Variants in BCAM observed in about 807,000 individuals in gnomAD.
BCAM encodes basal cell adhesion molecule (Lutheran blood group).
A neutral mutation model predicts 72.4 loss-of-function variants in BCAM; 61 were observed. The ratio of observed to expected loss-of-function variants is 0.84; its 90% CI spans 0.69 to 1.04. The LOEUF (loss-of-function observed/expected upper bound fraction) is 1.04. Ranked by LOEUF, BCAM falls within the 50% of genes least tolerant of loss-of-function variation. The probability of loss-of-function intolerance (pLI) is 0.00; values close to 1 mark genes in which losing one functional copy is unlikely to be tolerated. For synonymous variants in BCAM, 408 were observed against 384.2 expected (o/e 1.06, Z -0.73); for missense variants, 909 against 895.0 (o/e 1.02, Z -0.20).
chr19:44,809,149 C>T lies in BCAM; in HGVS notation c.25C>T (p.Gln9Ter). Residue 9 changes from glutamine (Q) to a stop codon, truncating the protein, a stop_gained, in exon 1 of 15, where the codon CAG (glutamine) becomes TAG (stop). Transcript: ENST00000270233. LOFTEE classifies it high-confidence loss of function. Reference protein sequence around the residue: MEPPDAPAQARGAPRLLLL... With the variant: MEPPDAPA ...CATGGAGCCCCCGGACGCACCGGCCCAGGCGCGCGGGGCCCCGCGGCTGCT... is the reference window on the plus strand; with the variant it reads ...CATGGAGCCCCCGGACGCACCGGCCTAGGCGCGCGGGGCCCCGCGGCTGCT... 6.8e-7 allele frequency: 1 copy of T among 1,473,194 alleles called. No individual in the cohort carries two copies. Among genetic ancestry groups the T allele is most frequent in the Non-Finnish European group, 9.0e-7 (1 of 1,115,922 alleles). 91.3% of individuals were successfully genotyped at this position (1,473,194 alleles called of 1,614,324 possible).
chr19:44,813,120 T>A lies in BCAM; in HGVS notation c.505-130T>A, dbSNP rs568829736. 97 of 1,028,328 alleles carry A rather than the reference T, an allele frequency of 9.4e-5. No homozygotes were observed. Among genetic ancestry groups the A allele is most frequent in the Non-Finnish European group, 1.2e-4 (86 of 705,258 alleles). The allele number at this position is 1,028,328 out of a possible 1,614,324, so 63.7% of individuals were successfully genotyped here. A position where few individuals can be genotyped will look rare whatever the true frequency, so the allele number is the denominator to read the frequency against. Reference sequence around the variant, plus strand: ...TGAGTCGGGGACTAGGAATTTGGACTCCTGGGTCCTGGGAGAGTCGGGAGT... The same window carrying A: ...TGAGTCGGGGACTAGGAATTTGGACACCTGGGTCCTGGGAGAGTCGGGAGT... On this transcript the variant is annotated intron_variant, in intron 4 of 14. Coordinates refer to ENST00000270233, the MANE Select transcript of BCAM (RefSeq NM_005581.5). The surrounding 1 kb of genome is among the most constrained non-coding windows in gnomAD (Gnocchi z 4.2).
rs373526996 is a variant in BCAM, at chr19:44,814,304, G to T, written c.921+16G>T. On this transcript the variant is annotated intron_variant, in intron 7 of 14. Coordinates refer to ENST00000270233, the MANE Select transcript of BCAM (RefSeq NM_005581.5). The surrounding 1 kb of genome is among the most constrained non-coding windows in gnomAD (Gnocchi z 4.6). ...CCGCCTTCAGGTGACCCACCCAAGG[G>T]TCCCTCTGGGATCCACCCCCCAGCC... 6 of 1,584,670 alleles carry T rather than the reference G, an allele frequency of 3.8e-6. No homozygotes were observed. Among genetic ancestry groups the T allele is most frequent in the Non-Finnish European group, 4.3e-6 (5 of 1,173,260 alleles).
intron 1 of BCAM, among the ~76,000 whole-genome samples, 173 bp downstream of exon 1, chr19:44,809,379 A>G (rs896824089): frequency 6.6e-6 from 1 of 152,172 alleles, no homozygotes; most frequent in African/African-American, 2.4e-5. Flanking sequence ...ATCTGGGGAC[A>G]GCCAGGCAGG....
Position 44,812,812 on chromosome 19 carries a change from T to C in BCAM, c.504+264T>C, listed in dbSNP as rs1352163630. The C allele has an allele frequency of 2.0e-6, 1 of 493,412 alleles. No individual in the cohort carries two copies. The allele number at this position is 493,412 out of a possible 1,614,324, so 30.6% of individuals were successfully genotyped here. A position where few individuals can be genotyped will look rare whatever the true frequency, so the allele number is the denominator to read the frequency against. On this transcript the variant is annotated intron_variant, in intron 4 of 14. Coordinates refer to ENST00000270233, the MANE Select transcript of BCAM (RefSeq NM_005581.5). This position sits in a 1 kb window ranked among gnomAD's most constrained non-coding sequence, Gnocchi z 5.3. ...TAAAGATACAAAAATTAGCTGGGTG[T>C]GTTGGTGTGCAACTGTAATCCCAGC...
intron 1 of BCAM, among the ~76,000 whole-genome samples, chr19:44,810,885 G>A (rs144624350): frequency 6.6e-6 from 1 of 152,048 alleles, no homozygotes; most frequent in Non-Finnish European, 1.5e-5. Flanking sequence ...GGGATGGAGG[G>A]CGAAAGGATC....
rs749751982 is a variant in BCAM at position 44,819,646 on chromosome 19, G to C, written c.1683G>C (p.Leu561=). The change falls in exon 13 of 15, where the codon CTG becomes CTC. Residue 561 remains leucine, a synonymous_variant. Coordinates refer to ENST00000270233, the MANE Select transcript of BCAM (RefSeq NM_005581.5). ...CCGTGGCCGTCAGCGTGGGCCTCCT[G>C]CTCCTCGTCGTTGCTGTCTTCTACT... is the stretch of plus-strand genomic sequence containing the variant. ...VMAVAVSVGL[L]LLVVAVFYCV... 4 of 1,613,522 alleles carry C rather than the reference G, an allele frequency of 2.5e-6. No individual in the cohort carries two copies. Among genetic ancestry groups the C allele is most frequent in the Non-Finnish European group, 3.4e-6 (4 of 1,179,796 alleles).
At chr19:44,817,360 C>T (rs756212684) in intron 8 of BCAM, among the ~76,000 whole-genome samples, 55 of 152,144 alleles carry the variant, frequency 3.6e-4, no homozygotes, top group Non-Finnish European at 7.4e-4. Context: ...AGCAAGAGAA[C>T]GGGGTAGCTG....
rs1968476350 is a variant in BCAM at position 44,814,529 on chromosome 19, G to A, written c.922-75G>A. 1 of 1,554,320 alleles carries A rather than the reference G, an allele frequency of 6.4e-7. No homozygotes were observed. Among genetic ancestry groups the A allele is most frequent in the African/African-American group, 1.4e-5 (1 of 73,722 alleles). On this transcript the variant is annotated intron_variant, in intron 7 of 14. Coordinates refer to ENST00000270233, the MANE Select transcript of BCAM (RefSeq NM_005581.5). This position sits in a 1 kb window ranked among gnomAD's most constrained non-coding sequence, Gnocchi z 4.6. Reference sequence around the variant, plus strand: ...TCTGGCTTAGCATGACACTAACCTGGTGGCTTCTGACCTAGCATGAGCCCG... The same window carrying A: ...TCTGGCTTAGCATGACACTAACCTGATGGCTTCTGACCTAGCATGAGCCCG...
At chr19:44,809,272 GA>G in intron 1 of BCAM, 66 bp downstream of exon 1, 1 of 1,314,970 alleles carries the variant, frequency 7.6e-7, no homozygotes, top group African/African-American at 1.5e-5. Flanking sequence ...GGAAAGCGAG[GA>G]GAAAGGGCTT....
In BCAM at chr19:44,812,810, T is replaced by A. The variant is rs1239969412; in HGVS notation, c.504+262T>A. On this transcript the variant is annotated intron_variant, in intron 4 of 14. Coordinates refer to ENST00000270233, the MANE Select transcript of BCAM (RefSeq NM_005581.5). The surrounding 1 kb of genome is among the most constrained non-coding windows in gnomAD (Gnocchi z 5.3). ...ACTAAAGATACAAAAATTAGCTGGG[T>A]GTGTTGGTGTGCAACTGTAATCCCA... 1.2e-5 allele frequency: 6 copies of A among 488,586 alleles called. No individual in the cohort carries two copies. Among genetic ancestry groups the A allele is most frequent in the African/African-American group, 5.9e-5 (3 of 50,886 alleles). 30.3% of individuals were successfully genotyped at this position (488,586 alleles called of 1,614,324 possible).
At chr19:44,816,705 G>A (rs1011695537) in intron 8 of BCAM, among the ~76,000 whole-genome samples, 12 of 151,888 alleles carry the variant, frequency 7.9e-5, no homozygotes, top group Non-Finnish European at 1.2e-4. Flanking sequence ...TTGGGAGGCC[G>A]AGGCAGGTGG....
In BCAM at chr19:44,814,908, G is replaced by GTTTTTTTTTTTTTT. The variant is rs78735883; in HGVS notation, c.1078+154_1078+167dup. 2 of 518,584 alleles carry GTTTTTTTTTTTTTT rather than the reference G, an allele frequency of 3.9e-6. No individual in the cohort carries two copies. The highest frequency in any genetic ancestry group is 2.8e-6 in the Non-Finnish European group (1 of 357,582). 32.1% of individuals were successfully genotyped at this position (518,584 alleles called of 1,614,324 possible). On this transcript the variant is annotated intron_variant, in intron 8 of 14. Transcript: ENST00000270233. The surrounding 1 kb of genome is among the most constrained non-coding windows in gnomAD (Gnocchi z 4.6). ...GCATTTCTTGGGGGTTTTTTTGGTT[G>GTTTTTTTTTTTTTT]TTTTTTTTTTTTTTTTTTTCCCAGA...
In BCAM at chr19:44,820,993, A is replaced by G. The variant is rs1968582612; in HGVS notation, c.*72A>G. 4.1e-6 allele frequency: 6 copies of G among 1,461,508 alleles called. No individual in the cohort carries two copies. Among genetic ancestry groups the G allele is most frequent in the Non-Finnish European group, 5.4e-6 (6 of 1,103,426 alleles). 90.5% of individuals were successfully genotyped at this position (1,461,508 alleles called of 1,614,324 possible). A position where few individuals can be genotyped will look rare whatever the true frequency, so the allele number is the denominator to read the frequency against. ...TCAGAGAACCAGCCCTGCTCACGCCATGCCCGCCCCCGCCTTCCCTCTTCC... is the reference window on the plus strand; with the variant it reads ...TCAGAGAACCAGCCCTGCTCACGCCGTGCCCGCCCCCGCCTTCCCTCTTCC... On this transcript the variant is annotated 3_prime_UTR_variant, in exon 15 of 15. Transcript: ENST00000270233.
rs138302587 is a variant in BCAM at position 44,818,599 on chromosome 19, G to A, written c.1156G>A (p.Val386Met). Residue 386 changes from valine (V) to methionine (M), a missense_variant, in exon 9 of 15, where the codon GTG becomes ATG. Physicochemically the swap from Val to Met is conservative, Grantham distance 21. Transcript: ENST00000270233. This position sits in a 1 kb window ranked among gnomAD's most constrained non-coding sequence, Gnocchi z 4.6. ...CAGCAGTGCAGTCGTGAACTGCTCC[G>A]TGCACGGCCTGCCCACCCCTGCCCT... ...LNSSAVVNCSVHGLPTPALRW... is the reference protein window; with the variant it reads ...LNSSAVVNCSMHGLPTPALRW... 100 of 1,614,024 alleles carry A rather than the reference G, an allele frequency of 6.2e-5. 1 individual carries two copies. The South Asian group carries it at 6.6e-4, about 11-fold the overall frequency.
In BCAM at chr19:44,811,411, C is replaced by T. The variant is rs1968418333; in HGVS notation, c.204+65C>T. The T allele has an allele frequency of 6.2e-6, 10 of 1,603,780 alleles. No homozygotes were observed. In the South Asian group the frequency reaches 1.1e-4, roughly 18 times the overall value. The stretch of plus-strand genomic sequence containing the variant: ...GCAGGGCAGCAAAGGTTCATTCTCT[C>T]ATCAGTGCCTAAGGCCTGTAGAGAT... On this transcript the variant is annotated intron_variant, in intron 2 of 14. Coordinates refer to ENST00000270233, the MANE Select transcript of BCAM (RefSeq NM_005581.5).
chr19:44,817,870 C>T (rs1968523384), intron 8 of BCAM, among the ~76,000 whole-genome samples: 3 of 152,142 alleles, frequency 2.0e-5, no homozygotes, highest in African/African-American at 7.2e-5. Context: ...TAAAGAGGTC[C>T]CTCTAGCTGC....
Position 44,812,021 on chromosome 19 carries a change from G to T in BCAM, c.205-142G>T, listed in dbSNP as rs1968427685. The T allele has an allele frequency of 7.8e-6, 6 of 764,992 alleles. No homozygotes were observed. The highest frequency in any genetic ancestry group is 1.3e-5 in the Non-Finnish European group (6 of 471,416). 47.4% of individuals were successfully genotyped at this position (764,992 alleles called of 1,614,324 possible). Reference sequence around the variant, plus strand: ...ATAGGGAATGGGGGCAGGAGAAGGTGGGGAGGGACAGAGGGACCAGGGAGA... The same window carrying T: ...ATAGGGAATGGGGGCAGGAGAAGGTTGGGAGGGACAGAGGGACCAGGGAGA... On this transcript the variant is annotated intron_variant, in intron 2 of 14. Coordinates refer to ENST00000270233, the MANE Select transcript of BCAM (RefSeq NM_005581.5). The surrounding 1 kb of genome is among the most constrained non-coding windows in gnomAD (Gnocchi z 5.3).
At chr19:44,820,603 T>A (rs1459428643) in intron 13 of BCAM, 102 bp from the exon 14 acceptor site, 39 of 1,118,170 alleles carry the variant, frequency 3.5e-5, no homozygotes, top group East Asian at 1.1e-4. Context: ...CTCACCTCCA[T>A]CCCCAGCCGC....
Position 44,812,471 on chromosome 19 carries a change from T to A in BCAM, c.434-7T>A. Reference sequence around the variant, plus strand: ...AGGGGCTCCTGACGTGAACGTCTTTTTCACAGCAAAGCCAGAGGCCACTGA... The same window carrying A: ...AGGGGCTCCTGACGTGAACGTCTTTATCACAGCAAAGCCAGAGGCCACTGA... On this transcript the variant is annotated splice_polypyrimidine_tract_variant and splice_region_variant and intron_variant, in intron 3 of 14. Transcript: ENST00000270233. The surrounding 1 kb of genome is among the most constrained non-coding windows in gnomAD (Gnocchi z 5.3). 1 of 1,614,190 alleles carries A rather than the reference T, an allele frequency of 6.2e-7. No homozygotes were observed. Among genetic ancestry groups the A allele is most frequent in the Non-Finnish European group, 8.5e-7 (1 of 1,180,022 alleles).
Sources: allele counts gnomAD v4.1 joint callset (sites outside exome capture counted in the v4.1 genomes callset), GRCh38; gene constraint gnomAD v4.1.1; non-coding constraint Gnocchi (gnomAD v3.1); transcripts MANE v1.5; gene names NCBI Gene and HGNC (gene_info 2026-07-23, HGNC 2026-07-21).